Variants in CNTNAP2 observed in about 807,000 individuals in gnomAD.
CNTNAP2 encodes contactin associated protein 2, also known as contactin-associated protein-like 2.
A neutral mutation model predicts 155.2 loss-of-function variants in CNTNAP2; 98 were observed. That is an observed-to-expected ratio of 0.63 (90% confidence interval 0.54 to 0.75). The LOEUF is 0.75. Ranked by LOEUF, CNTNAP2 falls within the 30% of genes least tolerant of loss-of-function variation. CNTNAP2 has a pLI of 0.00. For synonymous variants in CNTNAP2, 651 were observed against 631.2 expected, an observed-to-expected ratio of 1.03 and a Z score of -0.47; for missense variants, 1,727 against 1,688.1, an observed-to-expected ratio of 1.02 and a Z score of -0.40.
chr7:146,920,250 C>T (rs1585158011), intron 3 of CNTNAP2, among the ~76,000 whole-genome samples: 1 of 152,106 alleles, frequency 6.6e-6, no homozygotes, highest in African/African-American at 2.4e-5. Context: ...TCCATCTCTA[C>T]TAAAAATACA....
chr7:147,053,426 A>T (rs1016914325), intron 4 of CNTNAP2, among the ~76,000 whole-genome samples: 2 of 152,078 alleles, frequency 1.3e-5, no homozygotes, highest in African/African-American at 4.8e-5. Flanking sequence ...CTACCTTTAT[A>T]TTTAGGAACA....
In CNTNAP2 at chr7:146,348,611, G is replaced by A. The variant is rs569322350; in HGVS notation, c.97+231638G>A. Among the ~76,000 whole-genome samples the A allele has an allele frequency of 3.9e-5, 6 of 151,998 alleles. No individual in the cohort carries two copies. In the South Asian group the frequency reaches 6.2e-4, roughly 16 times the overall value. On this transcript the variant is annotated intron_variant, in intron 1 of 23. Transcript: ENST00000361727. Reference sequence around the variant, plus strand: ...AGCATTTATAACTCTTCTTATTTATGCTGTTAAGTGTCATGGTATATATTT... The same window carrying A: ...AGCATTTATAACTCTTCTTATTTATACTGTTAAGTGTCATGGTATATATTT...
Position 148,331,231 on chromosome 7 carries a change from G to C in CNTNAP2, c.3476-52418G>C, listed in dbSNP as rs1281555533. ...ATGGATGGAATGGATGGATGGAGTG[G>C]ATGGATGGAACAGATGGATGGAATG... On this transcript the variant is annotated intron_variant, in intron 21 of 23. Transcript: ENST00000361727. Among the ~76,000 whole-genome samples the C allele has an allele frequency of 1.1e-4, 13 of 115,812 alleles. 1 individual carries two copies. The highest frequency in any genetic ancestry group is 1.9e-4 in the Non-Finnish European group (11 of 57,502). 76.0% of individuals were successfully genotyped at this position (115,812 alleles called of 152,430 possible).
rs147702829 is a variant in CNTNAP2 at position 146,763,104 on chromosome 7, T to C, written c.98-11167T>C. ...CGATCCCCTACAAAGCCCAGCAAAG[T>C]TGGCTTCCATCCCAGTCTTCTGCAG... is the stretch of plus-strand genomic sequence containing the variant. On this transcript the variant is annotated intron_variant, in intron 1 of 23. Coordinates refer to ENST00000361727, the MANE Select transcript of CNTNAP2 (RefSeq NM_014141.6). 3.4e-3 allele frequency among the ~76,000 whole-genome samples: 514 copies of C among 152,296 alleles called. 4 individuals carry two copies. Among genetic ancestry groups the C allele is most frequent in the African/African-American group, 0.011 (454 of 41,564 alleles).
chr7:147,082,088 G>A (rs1217774584), intron 4 of CNTNAP2: 2 of 152,124 alleles, frequency 1.3e-5, no homozygotes, highest in African/African-American at 4.8e-5. Flanking sequence ...TTCATTGAGT[G>A]CTAGGAAAAA....
At chr7:146,900,234 A>C (rs1041697171) in intron 3 of CNTNAP2, among the ~76,000 whole-genome samples, 1 of 152,166 alleles carries the variant, frequency 6.6e-6, no homozygotes, top group Non-Finnish European at 1.5e-5. Context: ...TAGCATAGTC[A>C]ATCACCAAAT....
rs1165917445 is a variant in CNTNAP2, at chr7:147,108,216, C to T, written c.620C>T (p.Thr207Ile). Reference protein sequence around the residue: ...PYRFRNKKMKTLKDVIALNFK... With the variant: ...PYRFRNKKMKILKDVIALNFK... Reference sequence around the variant, plus strand: ...AGATTCAGAAACAAGAAGATGAAAACACTGAAAGATGTCATTGCCTTGAAC... The same window carrying T: ...AGATTCAGAAACAAGAAGATGAAAATACTGAAAGATGTCATTGCCTTGAAC... The change falls in exon 5 of 24, where the codon ACA (threonine) becomes ATA (isoleucine). Residue 207 changes from threonine (T) to isoleucine (I), a missense_variant. Transcript: ENST00000361727. 5 of 1,613,242 alleles carry T rather than the reference C, an allele frequency of 3.1e-6. No homozygotes were observed. The highest frequency in any genetic ancestry group is 2.5e-6 in the Non-Finnish European group (3 of 1,179,718).
At chr7:146,828,494 G>T (rs1803450583) in intron 2 of CNTNAP2, among the ~76,000 whole-genome samples, 1 of 151,990 alleles carries the variant, frequency 6.6e-6, no homozygotes, top group Admixed American at 6.6e-5. Flanking sequence ...CTCCAGTAGT[G>T]AAGAGCTCAT....
intron 13 of CNTNAP2, among the ~76,000 whole-genome samples, chr7:147,708,816 A>C (rs1796357417): frequency 6.6e-6 from 1 of 152,010 alleles, no homozygotes; most frequent in African/African-American, 2.4e-5. Flanking sequence ...TTCATAAATG[A>C]TCTATTCAAA....
intron 13 of CNTNAP2, among the ~76,000 whole-genome samples, chr7:147,790,185 A>G (rs1388562897): frequency 6.6e-6 from 1 of 152,130 alleles, no homozygotes; most frequent in Non-Finnish European, 1.5e-5. Context: ...TACTAGGAAG[A>G]GCCTTCCTCA....
chr7:147,244,523 CA>C (rs1177198628), intron 8 of CNTNAP2, among the ~76,000 whole-genome samples: 2 of 152,158 alleles, frequency 1.3e-5, no homozygotes, highest in Non-Finnish European at 2.9e-5. Flanking sequence ...ATTCACTGGA[CA>C]AATATTTCTT....
intron 1 of CNTNAP2, among the ~76,000 whole-genome samples, chr7:146,377,961 C>A (rs1259901149): frequency 6.6e-6 from 1 of 152,170 alleles, no homozygotes; most frequent in Non-Finnish European, 1.5e-5. Flanking sequence ...ATCCACAATT[C>A]TTATGTTACT....
At chr7:146,875,674 CG>C (rs113206384) in intron 3 of CNTNAP2, among the ~76,000 whole-genome samples, 2 of 151,056 alleles carry the variant, frequency 1.3e-5, no homozygotes, top group African/African-American at 4.9e-5. Context: ...TTGCTTTTGG[CG>C]GGGGGGCAAA....
At chr7:147,278,551 C>A (rs1341306071) in intron 8 of CNTNAP2, among the ~76,000 whole-genome samples, 3 of 151,618 alleles carry the variant, frequency 2.0e-5, no homozygotes, top group South Asian at 2.1e-4. Context: ...AGTCTAATTT[C>A]TCTCATCTAT....
rs573138902 is a variant in CNTNAP2 at position 147,180,225 on chromosome 7, C to T, written c.1348+47716C>T. The stretch of plus-strand genomic sequence containing the variant: ...TTTTTCCCCAATATATAGTTTGAGA[C>T]TTTCTGATTCTCTTTCTATAAATAC... On this transcript the variant is annotated intron_variant, in intron 8 of 23. Transcript: ENST00000361727. Among the ~76,000 whole-genome samples, 17 of 152,242 alleles carry T rather than the reference C, an allele frequency of 1.1e-4. No homozygotes were observed. The South Asian group carries it at 3.3e-3, about 30-fold the overall frequency.
chr7:146,357,679 G>A (rs1795019101), intron 1 of CNTNAP2, among the ~76,000 whole-genome samples: 1 of 152,050 alleles, frequency 6.6e-6, no homozygotes, highest in Non-Finnish European at 1.5e-5. Flanking sequence ...AAAATATTCT[G>A]AAATTATAGG....
intron 1 of CNTNAP2, among the ~76,000 whole-genome samples, chr7:146,211,319 T>G (rs1226272129): frequency 6.6e-6 from 1 of 152,162 alleles, no homozygotes; most frequent in Non-Finnish European, 1.5e-5. Context: ...AGGTGTAATT[T>G]TGTAGCTAAA....
chr7:148,278,597 A>G (rs1460815512), intron 21 of CNTNAP2, among the ~76,000 whole-genome samples: 1 of 151,252 alleles, frequency 6.6e-6, no homozygotes, highest in East Asian at 1.9e-4. Flanking sequence ...AAGCCTGAGC[A>G]AAGGAACTTG....
intron 1 of CNTNAP2, among the ~76,000 whole-genome samples, chr7:146,644,487 G>A (rs1271245476): frequency 6.6e-6 from 1 of 152,110 alleles, no homozygotes; most frequent in Admixed American, 6.5e-5. Flanking sequence ...AACCAGCCTT[G>A]CATCCCAGGG....
Sources: allele counts gnomAD v4.1 joint callset (sites outside exome capture counted in the v4.1 genomes callset), GRCh38; gene constraint gnomAD v4.1.1; transcripts MANE v1.5; gene names NCBI Gene and HGNC (gene_info 2026-07-23, HGNC 2026-07-21).